The following NDRG1 variants were observed in gnomAD, a reference collection of about 807,000 sequenced individuals.
NDRG1 encodes the protein protein NDRG1.
In NDRG1, 32 loss-of-function variants were observed where a neutral mutation model predicts 56.9. That is an observed-to-expected ratio of 0.56 (90% CI 0.42 to 0.76). NDRG1 has a LOEUF of 0.76. Ranked by LOEUF, NDRG1 falls within the 30% of genes least tolerant of loss-of-function variation. NDRG1 has a pLI of 0.00. For synonymous variants in NDRG1, 211 were observed against 204.1 expected (o/e 1.03, Z -0.29); for missense variants, 507 against 545.7 (o/e 0.93, Z 0.71).
chr8:133,264,212 G>C (rs191627517), intron 4 of NDRG1, among the ~76,000 whole-genome samples: 97 of 152,294 alleles, frequency 6.4e-4, no homozygotes, highest in African/African-American at 2.3e-3. Flanking sequence ...GGATTTTTTG[G>C]AAGGATGAAA....
At chr8:133,247,744 TG>T in intron 12 of NDRG1, 130 bp downstream of exon 12, 1 of 979,656 alleles carries the variant, frequency 1.0e-6, no homozygotes, top group Non-Finnish European at 1.6e-6. Flanking sequence ...AAGGCCAATA[TG>T]GCATTTCAAA....
chr8:133,280,229 T>C lies in NDRG1; in HGVS notation c.99+3A>G, dbSNP rs112025133. On this transcript the variant is annotated splice_donor_region_variant and intron_variant, in intron 3 of 15. Transcript: ENST00000323851. ...GGGAAGGAAAGCCACATCCTCTACT[T>C]GCCTGGACATCAAACTCTTGCAGGA... 1 of 1,614,114 alleles carries C rather than the reference T, an allele frequency of 6.2e-7. No homozygotes were observed. Among genetic ancestry groups the C allele is most frequent in the Non-Finnish European group, 8.5e-7 (1 of 1,179,982 alleles).
At chr8:133,258,298 T>G in intron 7 of NDRG1, 68 bp downstream of exon 7, 1 of 1,509,152 alleles carries the variant, frequency 6.6e-7, no homozygotes, top group Non-Finnish European at 9.1e-7. Flanking sequence ...TTGATGCTTT[T>G]CCAATGTCTT....
chr8:133,247,340 T>C (rs887499885), intron 12 of NDRG1, among the ~76,000 whole-genome samples: 8 of 152,210 alleles, frequency 5.3e-5, no homozygotes, highest in Non-Finnish European at 7.3e-5. Flanking sequence ...GCACAAAGCA[T>C]GGCAGTACTG....
intron 1 of NDRG1, chr8:133,296,821 C>T: frequency 4.0e-6 from 1 of 248,832 alleles, no homozygotes; most frequent in South Asian, 3.3e-5. Context: ...GAAACGCTAT[C>T]CTGGTATTTT....
intron 4 of NDRG1, among the ~76,000 whole-genome samples, chr8:133,263,882 C>G (rs1856775864): frequency 6.9e-6 from 1 of 144,400 alleles, no homozygotes; most frequent in Non-Finnish European, 1.5e-5. Flanking sequence ...CACCACTGCA[C>G]TCCAGCCTGG....
At chr8:133,289,892 T>C (rs747146281) in intron 1 of NDRG1, among the ~76,000 whole-genome samples, 2 of 152,174 alleles carry the variant, frequency 1.3e-5, no homozygotes, top group Non-Finnish European at 2.9e-5. Context: ...TCACTTCCTC[T>C]CTGGGCCTTG....
rs896473253 is a variant in NDRG1 at position 133,238,623 on chromosome 8, C to T, written c.*255G>A. ...CTGAGGGAGGGGAGGAGAGTGGCAACCGGCCACTGGTTAATGGAAGAGGAT... is the reference window on the plus strand; with the variant it reads ...CTGAGGGAGGGGAGGAGAGTGGCAATCGGCCACTGGTTAATGGAAGAGGAT... On this transcript the variant is annotated 3_prime_UTR_variant, in exon 16 of 16. Transcript: ENST00000323851. 4.5e-5 allele frequency: 25 copies of T among 556,664 alleles called. No homozygotes were observed. The highest frequency in any genetic ancestry group is 6.3e-6 in the Non-Finnish European group (2 of 315,388). 34.5% of individuals were successfully genotyped at this position (556,664 alleles called of 1,614,324 possible).
intron 2 of NDRG1, among the ~76,000 whole-genome samples, chr8:133,283,838 C>A (rs754586430): frequency 1.3e-5 from 2 of 152,212 alleles, no homozygotes; most frequent in African/African-American, 2.4e-5. Flanking sequence ...GGCAGGCAGT[C>A]CCTATGGGCA....
rs375330882 is a variant in NDRG1 at position 133,254,490 on chromosome 8, A to G, written c.594+49T>C. On this transcript the variant is annotated intron_variant, in intron 9 of 15. Transcript: ENST00000323851. Reference sequence around the variant, plus strand: ...TGGGGCCCTGTGCTGAGCACCACACAATGCCTTGCTCAGCAGGAACAACAG... The same window carrying G: ...TGGGGCCCTGTGCTGAGCACCACACGATGCCTTGCTCAGCAGGAACAACAG... 243 of 1,603,146 alleles carry G rather than the reference A, an allele frequency of 1.5e-4. 1 individual carries two copies. Among genetic ancestry groups the G allele is most frequent in the Non-Finnish European group, 1.4e-4 (162 of 1,170,624 alleles).
intron 3 of NDRG1, 163 bp from the exon 4 acceptor site, chr8:133,264,815 C>T (rs1856835562): frequency 2.9e-6 from 2 of 684,572 alleles, no homozygotes; most frequent in South Asian, 1.6e-5. Flanking sequence ...CCAGAAGCCA[C>T]TCCAAGGACC....
intron 1 of NDRG1, among the ~76,000 whole-genome samples, chr8:133,292,762 G>A (rs562495848): frequency 6.6e-6 from 1 of 152,252 alleles, no homozygotes; most frequent in African/African-American, 2.4e-5. Context: ...AGAACTCTAT[G>A]CAGATTTAAA....
intron 13 of NDRG1, among the ~76,000 whole-genome samples, chr8:133,244,903 C>T (rs547088368): frequency 1.3e-5 from 2 of 152,228 alleles, no homozygotes; most frequent in African/African-American, 4.8e-5. Context: ...CCTGTGAAAT[C>T]ACCGAACCGC....
At chr8:133,250,920 A>G (rs1455856271) in intron 9 of NDRG1, among the ~76,000 whole-genome samples, 2 of 151,896 alleles carry the variant, frequency 1.3e-5, no homozygotes, top group African/African-American at 4.8e-5. Flanking sequence ...AAAAAAAAAA[A>G]AAAAAAAAGG....
At chr8:133,296,558 A>G (rs1858775894) in intron 1 of NDRG1, 2 of 455,744 alleles carry the variant, frequency 4.4e-6, no homozygotes, top group Non-Finnish European at 8.8e-6. Flanking sequence ...AGCCTCTCGG[A>G]TCCACACCCG....
chr8:133,284,663 C>A (rs1449351468), intron 1 of NDRG1: 4 of 460,078 alleles, frequency 8.7e-6, no homozygotes, highest in Non-Finnish European at 1.7e-5. Context: ...ATGCAGCTCA[C>A]TGCATTCTAG....
chr8:133,245,980 T>A (rs1013907149), intron 13 of NDRG1, among the ~76,000 whole-genome samples: 2 of 152,110 alleles, frequency 1.3e-5, no homozygotes, highest in Non-Finnish European at 2.9e-5. Flanking sequence ...TCTTTGTCCT[T>A]CCCCCAGTGC....
chr8:133,237,675 G>A lies in NDRG1; in HGVS notation c.*1203C>T. On this transcript the variant is annotated 3_prime_UTR_variant, in exon 16 of 16. Transcript: ENST00000323851. ...GAATCCTTACATTTTCTCAGCCACC[G>A]CTCCCCACGTGAGTTCCCACCCCCA... 4.3e-6 allele frequency: 1 copy of A among 233,018 alleles called. No homozygotes were observed. The highest frequency in any genetic ancestry group is 8.5e-6 in the Non-Finnish European group (1 of 117,928). 14.4% of individuals were successfully genotyped at this position (233,018 alleles called of 1,614,324 possible).
intron 3 of NDRG1, among the ~76,000 whole-genome samples, chr8:133,275,507 C>A (rs902957115): frequency 2.0e-5 from 3 of 152,108 alleles, no homozygotes; most frequent in Non-Finnish European, 4.4e-5. Flanking sequence ...CTCTTTGTCA[C>A]GTGACTGGCT....
Sources: allele counts gnomAD v4.1 joint callset (sites outside exome capture counted in the v4.1 genomes callset), GRCh38; gene constraint gnomAD v4.1.1; transcripts MANE v1.5; gene names NCBI Gene and HGNC (gene_info 2026-07-23, HGNC 2026-07-21).